L3MBTL4: variants seen among roughly 807,000 people sequenced by gnomAD.
L3MBTL4 encodes the protein lethal(3)malignant brain tumor-like protein 4.
Under a neutral mutation model 84.5 loss-of-function variants are expected in L3MBTL4, and 70 were observed. The ratio of observed to expected loss-of-function variants is 0.83; its 90% CI spans 0.68 to 1.01. L3MBTL4 has a LOEUF of 1.01. Among genes scored for constraint, L3MBTL4 ranks in the 50% least tolerant of loss-of-function variants. L3MBTL4 has a pLI of 0.00. For synonymous variants in L3MBTL4, 274 were observed against 259.8 expected, an observed-to-expected ratio of 1.05 and a Z score of -0.52; for missense variants, 715 against 754.8, an observed-to-expected ratio of 0.95 and a Z score of 0.62.
rs1040932557 is a variant in L3MBTL4 at position 6,296,337 on chromosome 18, A to G, written c.127+5566T>C. 7.2e-5 allele frequency among the ~76,000 whole-genome samples: 11 copies of G among 152,220 alleles called. 1 individual carries two copies. The highest frequency in any genetic ancestry group is 6.5e-4 in the Admixed American group (10 of 15,278). ...TAGAGCTTTAGTAAATTATGACTTC[A>G]GTATAGTAAAGGATAGATTTTATTG... On this transcript the variant is annotated intron_variant, in intron 4 of 18. Transcript: ENST00000317931.
chr18:6,311,554 C>A lies in L3MBTL4; in HGVS notation c.72G>T (p.Leu24Phe). Residue 24 changes from leucine (L) to phenylalanine (F), a missense_variant and splice_region_variant, in exon 3 of 19, where the codon TTG becomes TTT. Physicochemically the swap from Leu to Phe is conservative, Grantham distance 22. Transcript: ENST00000317931. Reference sequence around the variant, plus strand: ...AAGGGTCCAGGGATGGACATCTTACCAAGCGTCCGTCCTGATCCAAACGCT... The same window carrying A: ...AAGGGTCCAGGGATGGACATCTTACAAAGCGTCCGTCCTGATCCAAACGCT... Reference protein sequence around the residue: ...SKERLDQDGRLEQAEEEKKPK... With the variant: ...SKERLDQDGRFEQAEEEKKPK... 1 of 1,612,046 alleles carries A rather than the reference C, an allele frequency of 6.2e-7. No individual in the cohort carries two copies. The highest frequency in any genetic ancestry group is 8.5e-7 in the Non-Finnish European group (1 of 1,178,892).
At chr18:6,012,261 G>A (rs2054774023) in intron 16 of L3MBTL4, among the ~76,000 whole-genome samples, 1 of 152,124 alleles carries the variant, frequency 6.6e-6, no homozygotes, top group African/African-American at 2.4e-5. Context: ...CTGTCAGGGA[G>A]GGCCACAGCA....
At chr18:6,295,346 C>CTATATATATATATATATA (rs71163269) in intron 4 of L3MBTL4, among the ~76,000 whole-genome samples, 3 of 81,382 alleles carry the variant, frequency 3.7e-5, no homozygotes, top group African/African-American at 2.0e-4. Flanking sequence ...CTCTCTCTCT[C>CTATATATATATATATATA]TATATATATA....
intron 16 of L3MBTL4, among the ~76,000 whole-genome samples, chr18:6,070,369 C>T (rs2057544490): frequency 6.6e-6 from 1 of 152,006 alleles, no homozygotes; most frequent in Admixed American, 6.5e-5. Context: ...TTGAGAGAAA[C>T]AATAGAAGTC....
At chr18:6,057,916 G>A (rs1247111899) in intron 16 of L3MBTL4, among the ~76,000 whole-genome samples, 1 of 152,108 alleles carries the variant, frequency 6.6e-6, no homozygotes, top group Non-Finnish European at 1.5e-5. Flanking sequence ...AATATTTTAT[G>A]CCCCTTCCTT....
intron 9 of L3MBTL4, among the ~76,000 whole-genome samples, chr18:6,239,201 C>T (rs1209010063): frequency 6.6e-6 from 1 of 151,398 alleles, no homozygotes; most frequent in Non-Finnish European, 1.5e-5. Flanking sequence ...ATTAGCCGGG[C>T]GTAGTGGCGG....
At chr18:6,151,000 G>T (rs568513384) in intron 13 of L3MBTL4, among the ~76,000 whole-genome samples, 2 of 152,142 alleles carry the variant, frequency 1.3e-5, no homozygotes, top group African/African-American at 4.8e-5. Context: ...CTACAGCAGC[G>T]CCAGGCTCCA....
At chr18:6,330,069 A>G (rs868312708) in intron 1 of L3MBTL4, among the ~76,000 whole-genome samples, 1 of 152,300 alleles carries the variant, frequency 6.6e-6, no homozygotes, top group South Asian at 2.1e-4. Flanking sequence ...GTTGCTGATG[A>G]GTATTTGAGT....
chr18:6,062,921 C>T (rs2057278044), intron 16 of L3MBTL4, among the ~76,000 whole-genome samples: 1 of 151,482 alleles, frequency 6.6e-6, no homozygotes, highest in South Asian at 2.1e-4. Context: ...GATTTTAGTG[C>T]ACCCGTCATC....
chr18:6,304,014 C>CAAAA (rs201628744), intron 3 of L3MBTL4, among the ~76,000 whole-genome samples: 2 of 52,722 alleles, frequency 3.8e-5, no homozygotes, highest in African/African-American at 6.3e-5. Flanking sequence ...AACTCCATCT[C>CAAAA]AAAAAAAAAA....
At chr18:6,346,264 T>C (rs2052901336) in intron 1 of L3MBTL4, among the ~76,000 whole-genome samples, 1 of 151,716 alleles carries the variant, frequency 6.6e-6, no homozygotes. Flanking sequence ...GAAAAGTGTC[T>C]TCACATTGGT....
chr18:6,167,408 C>T (rs140786906), intron 13 of L3MBTL4, among the ~76,000 whole-genome samples: 5,537 of 152,254 alleles, frequency 0.036, 348 homozygotes, highest in African/African-American at 0.12. Flanking sequence ...CCTTGATGAA[C>T]ATTCATGCAA....
intron 12 of L3MBTL4, among the ~76,000 whole-genome samples, chr18:6,173,517 T>A (rs1313672400): frequency 6.6e-6 from 1 of 152,110 alleles, no homozygotes; most frequent in East Asian, 1.9e-4. Flanking sequence ...CAGTAGCTCA[T>A]GCCTGTCATC....
intron 16 of L3MBTL4, among the ~76,000 whole-genome samples, chr18:6,074,141 C>T (rs143124476): frequency 2.0e-3 from 311 of 152,178 alleles, no homozygotes; most frequent in African/African-American, 7.2e-3. Context: ...TCGTCATAAC[C>T]CCTTTCTTCA....
chr18:6,031,101 T>A (rs2055778491), intron 16 of L3MBTL4: 1 of 985,340 alleles, frequency 1.0e-6, no homozygotes, highest in South Asian at 4.7e-5. Flanking sequence ...CTGGGGTTTG[T>A]GATCATGGAG....
rs1295753637 is a variant in L3MBTL4 at position 6,055,895 on chromosome 18, A to T, written c.1444+24986T>A. Among the ~76,000 whole-genome samples, 2 of 152,144 alleles carry T rather than the reference A, an allele frequency of 1.3e-5. 1 individual carries two copies. Among genetic ancestry groups the T allele is most frequent in the Admixed American group, 1.3e-4 (2 of 15,276 alleles). On this transcript the variant is annotated intron_variant, in intron 16 of 18. Coordinates refer to ENST00000317931, the MANE Select transcript of L3MBTL4 (RefSeq NM_001330559.2). The stretch of plus-strand genomic sequence containing the variant: ...CTTTTGTCCTCAGCCTCTTCTCTGT[A>T]TAAGGGACTTTGTGTTTATTTTTAA...
chr18:6,033,861 G>A (rs551833863), intron 16 of L3MBTL4, among the ~76,000 whole-genome samples: 4 of 152,210 alleles, frequency 2.6e-5, no homozygotes, highest in East Asian at 1.9e-4. Context: ...TTTATACACT[G>A]TATGCCCCAA....
chr18:5,965,044 C>T (rs2052275601), intron 17 of L3MBTL4, among the ~76,000 whole-genome samples: 1 of 152,208 alleles, frequency 6.6e-6, no homozygotes, highest in Non-Finnish European at 1.5e-5. Flanking sequence ...GAGTAAGACA[C>T]ATACTTTACA....
rs1396368307 is a variant in L3MBTL4 at position 5,955,633 on chromosome 18, AAGG to A, written c.*584_*586del. The A allele has an allele frequency of 6.6e-6, 1 of 152,234 alleles. No individual in the cohort carries two copies. The highest frequency in any genetic ancestry group is 1.5e-5 in the Non-Finnish European group (1 of 68,054). 9.4% of individuals were successfully genotyped at this position (152,234 alleles called of 1,614,324 possible). On this transcript the variant is annotated 3_prime_UTR_variant, in exon 19 of 19. Transcript: ENST00000317931. ...ACCAAGAAATGGTTAATGGAACAAA[AAGG>A]AGAATTAATGAATCATGAAAACATG... is the stretch of plus-strand genomic sequence containing the variant.
Sources: gnomAD v4.1 joint callset for allele counts (sites outside exome capture counted in the v4.1 genomes callset) on GRCh38, gnomAD v4.1.1 for gene constraint, MANE v1.5 for transcripts, NCBI Gene and HGNC (gene_info 2026-07-23, HGNC 2026-07-21) for gene names.